STXBP4: variants seen among roughly 807,000 people sequenced by gnomAD.
The protein encoded by STXBP4 is syntaxin-binding protein 4.
In STXBP4, 55 loss-of-function variants were observed where a neutral mutation model predicts 76.1. The observed-to-expected ratio is 0.72, with a 90% CI of 0.58 to 0.91. The LOEUF (loss-of-function observed/expected upper bound fraction) is 0.91, where lower values mean the gene tolerates loss of function less well. Among genes scored for constraint, STXBP4 ranks in the 40% least tolerant of loss-of-function variants. The pLI is 0.00. For missense variants in STXBP4, 618 were observed against 636.9 expected, an observed-to-expected ratio of 0.97 and a Z score of 0.32; for synonymous variants, 201 against 220.2, an observed-to-expected ratio of 0.91 and a Z score of 0.77.
At chr17:55,107,461 A>G (rs1327059107) in intron 16 of STXBP4, among the ~76,000 whole-genome samples, 6 of 152,078 alleles carry the variant, frequency 3.9e-5, no homozygotes, top group Non-Finnish European at 8.8e-5. Flanking sequence ...CTCATTCTCC[A>G]TCCAGTTTTG....
At chr17:55,187,586 A>C in the STXBP4 span, among the ~76,000 whole-genome samples, 2 of 152,100 alleles carry the variant, frequency 1.3e-5, no homozygotes, top group Admixed American at 1.3e-4. Flanking sequence ...TTCCTCTCCA[A>C]ATGGATTCAG....
chr17:54,993,824 T>C (rs2077757181), intron 4 of STXBP4, among the ~76,000 whole-genome samples: 2 of 152,230 alleles, frequency 1.3e-5, no homozygotes, highest in Non-Finnish European at 1.5e-5. Context: ...TAATGTTTCA[T>C]AATTAACAGT....
At chr17:55,019,558 AATT>A (rs1053913597) in intron 8 of STXBP4, among the ~76,000 whole-genome samples, 40 of 152,220 alleles carry the variant, frequency 2.6e-4, no homozygotes, top group East Asian at 3.9e-4. Flanking sequence ...ATAAATTATG[AATT>A]ATTATTATAA....
At chr17:55,012,300 A>G (rs1051036300) in intron 8 of STXBP4, among the ~76,000 whole-genome samples, 6 of 151,868 alleles carry the variant, frequency 4.0e-5, no homozygotes, top group African/African-American at 9.7e-5. Flanking sequence ...TCCCCATTCT[A>G]TTTCTTCTTC....
At chr17:55,196,756 T>A in the STXBP4 span, among the ~76,000 whole-genome samples, 3 of 152,224 alleles carry the variant, frequency 2.0e-5, no homozygotes, top group Non-Finnish European at 4.4e-5. Flanking sequence ...AATGAATGAA[T>A]GGATGAATGT....
chr17:55,118,894 AT>A (rs1361986892), intron 16 of STXBP4, among the ~76,000 whole-genome samples: 1 of 150,768 alleles, frequency 6.6e-6, no homozygotes, highest in Non-Finnish European at 1.5e-5. Context: ...CACCATTAGT[AT>A]TTTTTAGAAC....
At chr17:55,015,360 T>G (rs1567719427) in intron 8 of STXBP4, among the ~76,000 whole-genome samples, 2 of 152,202 alleles carry the variant, frequency 1.3e-5, no homozygotes, top group Admixed American at 1.3e-4. Flanking sequence ...ATTGTTCTCT[T>G]TCCTCTGTTG....
intron 16 of STXBP4, among the ~76,000 whole-genome samples, chr17:55,121,279 C>T (rs1046288723): frequency 6.6e-6 from 1 of 151,984 alleles, no homozygotes; most frequent in Non-Finnish European, 1.5e-5. Context: ...ATCAAGAAAG[C>T]ATTTATAGAG....
chr17:55,050,131 A>G (rs1295672119), intron 12 of STXBP4, among the ~76,000 whole-genome samples: 2 of 152,118 alleles, frequency 1.3e-5, no homozygotes, highest in Non-Finnish European at 1.5e-5. Context: ...TTTGCAGATG[A>G]TATGGTAGTA....
At chr17:55,032,900 G>A (rs185128838) in intron 9 of STXBP4, among the ~76,000 whole-genome samples, 4 of 152,220 alleles carry the variant, frequency 2.6e-5, no homozygotes, top group East Asian at 1.9e-4. Flanking sequence ...GACAAAGCAA[G>A]TTACACACAC....
At chr17:55,151,452 C>T (rs2080216711) in intron 17 of STXBP4, among the ~76,000 whole-genome samples, 1 of 152,240 alleles carries the variant, frequency 6.6e-6, no homozygotes. Flanking sequence ...CATACCTGAA[C>T]ATCTGTATCA....
At position 55,078,719 on chromosome 17, in the gene STXBP4, C is replaced by CTGATA; in HGVS notation, c.1339_1340insTGATA (p.Pro447LeufsTer7). On this transcript the variant is annotated frameshift_variant, in exon 15 of 18. Transcript: ENST00000376352. LOFTEE classifies it high-confidence loss of function. ...AGAAGTATTTTCTGATAATTCTACT[C>CTGATA]CTTTATCAAATTTAAGGTAAGAAAA... The CTGATA allele has an allele frequency of 1.9e-6, 3 of 1,561,072 alleles. No individual in the cohort carries two copies. Among genetic ancestry groups the CTGATA allele is most frequent in the African/African-American group, 2.7e-5 (2 of 73,876 alleles).
intron 13 of STXBP4, among the ~76,000 whole-genome samples, chr17:55,077,391 TG>T (rs1287175212): frequency 2.0e-5 from 3 of 152,138 alleles, no homozygotes; most frequent in Non-Finnish European, 4.4e-5. Context: ...CCTGTGTGAA[TG>T]GGGACTTTTG....
intron 17 of STXBP4, among the ~76,000 whole-genome samples, chr17:55,148,084 G>T (rs2051913952): frequency 6.6e-6 from 1 of 152,184 alleles, no homozygotes; most frequent in Non-Finnish European, 1.5e-5. Flanking sequence ...GTATGTGAGA[G>T]CTTTGTTTTT....
intron 16 of STXBP4, among the ~76,000 whole-genome samples, chr17:55,123,235 T>C (rs1345290140): frequency 1.3e-5 from 2 of 152,190 alleles, no homozygotes; most frequent in Admixed American, 6.5e-5. Flanking sequence ...GTGTGTCCAG[T>C]AACTTGTTAA....
intron 8 of STXBP4, among the ~76,000 whole-genome samples, chr17:55,025,124 G>C (rs2144648504): frequency 6.6e-6 from 1 of 151,904 alleles, no homozygotes; most frequent in African/African-American, 2.4e-5. Flanking sequence ...CTGGGTGACA[G>C]AGCGAGACTC....
At chr17:55,189,107 C>T in the STXBP4 span, among the ~76,000 whole-genome samples, 2 of 152,172 alleles carry the variant, frequency 1.3e-5, no homozygotes, top group African/African-American at 4.8e-5. Flanking sequence ...GATTTCTCCC[C>T]TTTGCGTGCT....
chr17:55,177,386 G>A (rs1221853161), downstream of STXBP4, among the ~76,000 whole-genome samples: 1 of 152,134 alleles, frequency 6.6e-6, no homozygotes, highest in Non-Finnish European at 1.5e-5. Flanking sequence ...GGCCTGTCTT[G>A]CCTACCTCAC....
intron 8 of STXBP4, among the ~76,000 whole-genome samples, chr17:55,028,708 C>T (rs2144666877): frequency 6.6e-6 from 1 of 152,216 alleles, no homozygotes; most frequent in African/African-American, 2.4e-5. Flanking sequence ...GAGTCAAAAA[C>T]ATTGCTAATA....
Sources: gnomAD v4.1 joint callset for allele counts (sites outside exome capture counted in the v4.1 genomes callset) on GRCh38, gnomAD v4.1.1 for gene constraint, MANE v1.5 for transcripts, NCBI Gene and HGNC (gene_info 2026-07-23, HGNC 2026-07-21) for gene names.